CACHD1: variants seen among roughly 807,000 people sequenced by gnomAD.
The protein encoded by CACHD1 is cache domain containing 1.
A neutral mutation model predicts 138.7 loss-of-function variants in CACHD1; 71 were observed. The ratio of observed to expected loss-of-function variants is 0.51; its 90% CI spans 0.42 to 0.62. CACHD1 has a LOEUF of 0.62. Among genes scored for constraint, CACHD1 ranks in the 20% least tolerant of loss-of-function variants. The pLI is 0.00. For missense variants in CACHD1, 1,389 were observed against 1,625.3 expected, an observed-to-expected ratio of 0.85 and a Z score of 2.50; for synonymous variants, 578 against 591.5, an observed-to-expected ratio of 0.98 and a Z score of 0.33.
At chr1:64,538,849 T>C (rs1178479837) in intron 1 of CACHD1, among the ~76,000 whole-genome samples, 1 of 152,226 alleles carries the variant, frequency 6.6e-6, no homozygotes, top group African/African-American at 2.4e-5. Flanking sequence ...TGAAAACTTA[T>C]CTTCATCTCA....
intron 3 of CACHD1, among the ~76,000 whole-genome samples, chr1:64,593,354 A>G (rs140330837): frequency 9.2e-5 from 14 of 152,294 alleles, no homozygotes; most frequent in African/African-American, 2.6e-4. Flanking sequence ...TTCTAATCCA[A>G]TTTTAAGGTA....
intron 4 of CACHD1, among the ~76,000 whole-genome samples, chr1:64,623,782 G>GGTAGGT (rs1244289423): frequency 2.0e-5 from 3 of 152,302 alleles, no homozygotes; most frequent in Non-Finnish European, 4.4e-5. Flanking sequence ...GTCTGTCTGA[G>GGTAGGT]GTAGGTGTAG....
rs1051483445 is a variant in CACHD1, at chr1:64,663,842, G to A, written c.2094+5G>A. 1.2e-6 allele frequency: 2 copies of A among 1,614,114 alleles called. No homozygotes were observed. Among genetic ancestry groups the A allele is most frequent in the Non-Finnish European group, 1.7e-6 (2 of 1,179,996 alleles). On this transcript the variant is annotated splice_donor_5th_base_variant and intron_variant, in intron 14 of 26. Coordinates refer to ENST00000651257, the MANE Select transcript of CACHD1 (RefSeq NM_020925.4). ...ATTGCTAACCCGGGCCTCAAAGTAAGCATTGGCGCAGAGCTCCATTTCTGG... is the reference window on the plus strand; with the variant it reads ...ATTGCTAACCCGGGCCTCAAAGTAAACATTGGCGCAGAGCTCCATTTCTGG...
chr1:64,629,361 C>T lies in CACHD1; in HGVS notation c.524C>T (p.Ala175Val). Residue 175 changes from alanine (A) to valine (V), a missense_variant, in exon 5 of 27, where the codon GCA (alanine) becomes GTA (valine). Coordinates refer to ENST00000651257, the MANE Select transcript of CACHD1 (RefSeq NM_020925.4). ...NPGRDLNSVL[A>V]DNLKSNPGIK... is the part of the protein sequence containing the mutation. Reference sequence around the variant, plus strand: ...ATTTTCCTTACACCTCTAGTTCTTGCAGACAACCTGAAATCCAACCCTGGA... The same window carrying T: ...ATTTTCCTTACACCTCTAGTTCTTGTAGACAACCTGAAATCCAACCCTGGA... The T allele has an allele frequency of 6.2e-7, 1 of 1,613,850 alleles. No homozygotes were observed. The highest frequency in any genetic ancestry group is 1.3e-5 in the African/African-American group (1 of 75,028).
chr1:64,513,107 A>C (rs971311990), intron 1 of CACHD1, among the ~76,000 whole-genome samples: 2 of 152,240 alleles, frequency 1.3e-5, no homozygotes, highest in Non-Finnish European at 2.9e-5. Flanking sequence ...AAGATTATCC[A>C]TCTGCAAATT....
chr1:64,687,713 T>C (rs1650412981), intron 26 of CACHD1, among the ~76,000 whole-genome samples: 1 of 152,084 alleles, frequency 6.6e-6, no homozygotes, highest in African/African-American at 2.4e-5. Flanking sequence ...GACTAGTGAA[T>C]GTTGTACCAG....
At chr1:64,544,155 C>T (rs1284761286) in intron 1 of CACHD1, among the ~76,000 whole-genome samples, 2 of 152,124 alleles carry the variant, frequency 1.3e-5, no homozygotes, top group Non-Finnish European at 2.9e-5. Flanking sequence ...ACTGAACTGT[C>T]AGCCATATGT....
At chr1:64,486,019 A>G (rs1646239720) in intron 1 of CACHD1, among the ~76,000 whole-genome samples, 1 of 152,188 alleles carries the variant, frequency 6.6e-6, no homozygotes, top group Admixed American at 6.5e-5. Flanking sequence ...CAGCCTCACC[A>G]CAACTTGGTA....
chr1:64,629,219 T>C (rs1314683397), intron 4 of CACHD1, 136 bp from the exon 5 acceptor site: 3 of 951,882 alleles, frequency 3.2e-6, no homozygotes, highest in Non-Finnish European at 4.6e-6. Context: ...AAATGTTTCA[T>C]AGAAAATTTA....
At position 64,663,620 on chromosome 1, in the gene CACHD1, C is replaced by T. The variant is rs1370857737; in HGVS notation, c.1952-75C>T. 1.8e-5 allele frequency: 28 copies of T among 1,570,310 alleles called. No homozygotes were observed. The African/African-American group carries it at 2.6e-4, about 14-fold the overall frequency. On this transcript the variant is annotated intron_variant, in intron 13 of 26. Transcript: ENST00000651257. The stretch of plus-strand genomic sequence containing the variant: ...CACCATAGCTGACAGATTGGCAGAG[C>T]CCGAGTGATGCCTTTGTTTGGGATG...
At chr1:64,472,768 T>C (rs1646153020) in intron 1 of CACHD1, among the ~76,000 whole-genome samples, 1 of 152,150 alleles carries the variant, frequency 6.6e-6, no homozygotes, top group African/African-American at 2.4e-5. Context: ...TATATTGGAG[T>C]TGTGGACTCT....
rs370532570 is a variant in CACHD1 at position 64,629,427 on chromosome 1, C to G, written c.590C>G (p.Thr197Ser). The stretch of plus-strand genomic sequence containing the variant: ...TTCAGTTCAGAAGAAGGAATTTTCA[C>G]TGTTTTCCCAGCACACAAGTTCCGG... ...QYFSSEEGIF[T>S]VFPAHKFRCK... is the part of the protein sequence containing the mutation. The change falls in exon 5 of 27, where the codon ACT becomes AGT. Residue 197 changes from threonine to serine, a missense_variant. Physicochemically the swap from Thr to Ser is moderately conservative, Grantham distance 58. This residue lies in a region of CACHD1 where 1,000 missense variants were observed against 1,114.7 expected (regional missense o/e 0.90). Coordinates refer to ENST00000651257, the MANE Select transcript of CACHD1 (RefSeq NM_020925.4). 1.1e-4 allele frequency: 178 copies of G among 1,614,002 alleles called. No homozygotes were observed. The highest frequency in any genetic ancestry group is 1.4e-4 in the Non-Finnish European group (168 of 1,179,972).
At chr1:64,524,821 C>T (rs138189717) in intron 1 of CACHD1, among the ~76,000 whole-genome samples, 6 of 152,290 alleles carry the variant, frequency 3.9e-5, no homozygotes, top group Non-Finnish European at 7.4e-5. Context: ...TTAGTGTGCT[C>T]ACTATATTTC....
intron 1 of CACHD1, among the ~76,000 whole-genome samples, chr1:64,477,591 AT>A (rs1646181199): frequency 7.7e-6 from 1 of 129,460 alleles, no homozygotes; most frequent in South Asian, 2.5e-4. Context: ...CCAGATTATT[AT>A]TATTATTATT....
At position 64,654,794 on chromosome 1, in the gene CACHD1, C is replaced by G. The variant is rs201987850; in HGVS notation, c.1773C>G (p.Ala591=). The change falls in exon 12 of 27, where the codon GCC becomes GCG. Residue 591 remains alanine, a synonymous_variant. Transcript: ENST00000651257. The part of the protein sequence containing the change: ...TGKEAYNVSY[A]WKMVQDTSFI... ...AGGAAGCCTACAATGTTAGCTATGC[C>G]TGGAAGATGGTGAGTGAGAGGAAGT... 3 of 1,608,812 alleles carry G rather than the reference C, an allele frequency of 1.9e-6. No homozygotes were observed. In the Admixed American group the frequency reaches 5.0e-5, roughly 27 times the overall value.
intron 1 of CACHD1, among the ~76,000 whole-genome samples, chr1:64,480,263 A>C (rs994061817): frequency 2.0e-5 from 3 of 152,196 alleles, no homozygotes; most frequent in Non-Finnish European, 4.4e-5. Flanking sequence ...CCAGCGAGGA[A>C]GTGGCTCTCT....
chr1:64,681,541 G>GTTTTTTTTTTTTTGTTTTTTT (rs1650183057), intron 25 of CACHD1, among the ~76,000 whole-genome samples: 1 of 68,132 alleles, frequency 1.5e-5, no homozygotes, highest in East Asian at 5.8e-4. Flanking sequence ...ATTTTATTGT[G>GTTTTTTTTTTTTTGTTTTTTT]TTTTTTTTTT....
intron 3 of CACHD1, among the ~76,000 whole-genome samples, chr1:64,596,478 TTTC>T (rs1480001239): frequency 1.3e-5 from 2 of 152,194 alleles, no homozygotes; most frequent in African/African-American, 4.8e-5. Context: ...GGCCTGAGTG[TTTC>T]TCAGTGTCCA....
At chr1:64,642,826 C>T (rs1039270851) in intron 8 of CACHD1, among the ~76,000 whole-genome samples, 4 of 136,680 alleles carry the variant, frequency 2.9e-5, no homozygotes, top group Non-Finnish European at 6.5e-5. Context: ...GGGCTGATCA[C>T]GAGGTCAAGA....
Sources: allele counts gnomAD v4.1 joint callset (sites outside exome capture counted in the v4.1 genomes callset), GRCh38; gene constraint gnomAD v4.1.1; regional missense constraint gnomAD v4.1.1; transcripts MANE v1.5; gene names NCBI Gene and HGNC (gene_info 2026-07-23, HGNC 2026-07-21).